The following SLC25A28 variants were observed in gnomAD, a reference collection of about 807,000 sequenced individuals.
SLC25A28 encodes mitoferrin-2.
In SLC25A28, 10 loss-of-function variants were observed where a neutral mutation model predicts 31.9. The observed-to-expected ratio is 0.31, with a 90% confidence interval of 0.19 to 0.53. The LOEUF is 0.53. Ranked by LOEUF, SLC25A28 falls within the 20% of genes least tolerant of loss-of-function variation. SLC25A28 has a pLI of 0.95. For synonymous variants in SLC25A28, 208 were observed against 203.6 expected, an observed-to-expected ratio of 1.02 and a Z score of -0.19; for missense variants, 256 against 490.3, an observed-to-expected ratio of 0.52 and a Z score of 4.51.
the SLC25A28 span, among the ~76,000 whole-genome samples, chr10:99,639,734 C>CACACACAA: frequency 6.7e-6 from 1 of 149,698 alleles, no homozygotes; most frequent in Non-Finnish European, 1.5e-5. Flanking sequence ...CACACACACA[C>CACACACAA]ACACACACAC....
the SLC25A28 span, among the ~76,000 whole-genome samples, chr10:99,627,039 G>A: frequency 2.0e-5 from 3 of 152,000 alleles, no homozygotes; most frequent in African/African-American, 4.8e-5. Context: ...CCAGGAGTTC[G>A]AGACCAGCCT....
At chr10:99,615,760 A>C in intron 1 of SLC25A28, 1 of 985,458 alleles carries the variant, frequency 1.0e-6, no homozygotes, top group Non-Finnish European at 1.2e-6. Context: ...CTAATAAGCA[A>C]AGATAAATTG....
the SLC25A28 span, among the ~76,000 whole-genome samples, chr10:99,637,596 A>G: frequency 1.3e-5 from 2 of 152,246 alleles, no homozygotes; most frequent in Non-Finnish European, 2.9e-5. Flanking sequence ...GTTTCTGGAT[A>G]CAAGATTAAT....
Position 99,610,747 on chromosome 10 carries a change from C to T in SLC25A28, c.*102G>A, listed in dbSNP as rs543288971. 1.2e-4 allele frequency: 180 copies of T among 1,446,476 alleles called. 3 individuals are homozygous for T. The Admixed American group carries it at 3.3e-3, about 26-fold the overall frequency. 89.6% of individuals were successfully genotyped at this position (1,446,476 alleles called of 1,614,324 possible). ...AAATCCTGGGGGAGAGCCCCTCTAC[C>T]TTCCTTCTAACTCCACTTGAGGTGG... On this transcript the variant is annotated 3_prime_UTR_variant, in exon 4 of 4. Coordinates refer to ENST00000370495, the MANE Select transcript of SLC25A28 (RefSeq NM_031212.4).
At chr10:99,640,153 G>A in the SLC25A28 span, among the ~76,000 whole-genome samples, 1 of 152,150 alleles carries the variant, frequency 6.6e-6, no homozygotes, top group South Asian at 2.1e-4. Context: ...TTTTATATTA[G>A]TTATCCATCA....
Position 99,617,572 on chromosome 10 carries a change from T to C in SLC25A28, c.291+2473A>G, listed in dbSNP as rs187663229. 2,158 of 985,448 alleles carry C rather than the reference T, an allele frequency of 2.2e-3. 6 individuals carry two copies. The highest frequency in any genetic ancestry group is 4.3e-3 in the Admixed American group (70 of 16,286). The allele number at this position is 985,448 out of a possible 1,614,324, so 61.0% of individuals were successfully genotyped here. A position where few individuals can be genotyped will look rare whatever the true frequency, so the allele number is the denominator to read the frequency against. On this transcript the variant is annotated intron_variant, in intron 1 of 3. Coordinates refer to ENST00000370495, the MANE Select transcript of SLC25A28 (RefSeq NM_031212.4). ...GGGACAAGCAAACTGGGAAGTCTTT[T>C]CTGAAGGAAGAGATTTGAATTTTAC... is the stretch of plus-strand genomic sequence containing the variant.
intron 1 of SLC25A28, chr10:99,617,538 T>C (rs2034687491): frequency 3.0e-6 from 3 of 985,430 alleles, no homozygotes; most frequent in Non-Finnish European, 3.6e-6. Context: ...AGAAGAAGGA[T>C]AGCTGCTGGG....
the SLC25A28 span, among the ~76,000 whole-genome samples, chr10:99,643,257 C>G: frequency 1.3e-5 from 2 of 152,180 alleles, no homozygotes; most frequent in Non-Finnish European, 2.9e-5. Flanking sequence ...TGTTACCAAT[C>G]TATTCAGGGA....
At chr10:99,657,783 C>T in the SLC25A28 span, among the ~76,000 whole-genome samples, 1 of 152,084 alleles carries the variant, frequency 6.6e-6, no homozygotes, top group Non-Finnish European at 1.5e-5. Context: ...TGCTACCTAC[C>T]CCAAACCAAT....
rs1324211767 is a variant in SLC25A28 at position 99,611,105 on chromosome 10, G to A, written c.839C>T (p.Thr280Ile). The stretch of plus-strand genomic sequence containing the variant: ...CAGTGTTTTGCAAACGTCCAGTGGG[G>A]TTGTGGCTGCGGCAGCTACAGCTCC... ...CAGAVAAAAT[T>I]PLDVCKTLLN... is the part of the protein sequence containing the mutation. Residue 280 changes from threonine (T) to isoleucine (I), a missense_variant, in exon 4 of 4, where the codon ACC becomes ATC. Physicochemically the swap from Thr to Ile is moderately conservative, Grantham distance 89 (BLOSUM62 -1). Transcript: ENST00000370495. This position sits in a 1 kb window ranked among gnomAD's most constrained non-coding sequence, Gnocchi z 5.5. The A allele has an allele frequency of 6.2e-7, 1 of 1,614,226 alleles. No homozygotes were observed. Among genetic ancestry groups the A allele is most frequent in the South Asian group, 1.1e-5 (1 of 91,084 alleles).
chr10:99,653,263 T>TG, the SLC25A28 span, among the ~76,000 whole-genome samples: 1 of 152,182 alleles, frequency 6.6e-6, no homozygotes, highest in African/African-American at 2.4e-5. Context: ...AGGATCACCC[T>TG]GGGGGAAGCC....
intron 1 of SLC25A28, chr10:99,617,728 C>G: frequency 2.0e-6 from 2 of 985,452 alleles, no homozygotes; most frequent in South Asian, 9.4e-5. Context: ...CTAAAATAAG[C>G]TTTCGTATTG....
intron 2 of SLC25A28, among the ~76,000 whole-genome samples, chr10:99,612,953 G>GAT (rs2034564278): frequency 6.6e-6 from 1 of 152,196 alleles, no homozygotes; most frequent in African/African-American, 2.4e-5. Flanking sequence ...AGTGGAGGGA[G>GAT]ATACGGGGGC....
At chr10:99,618,227 CTATG>C (rs2034702495) in intron 1 of SLC25A28, 1 of 944,208 alleles carries the variant, frequency 1.1e-6, no homozygotes, top group Non-Finnish European at 1.3e-6. Flanking sequence ...AACAATAGCA[CTATG>C]TAAATATATG....
intron 2 of SLC25A28, 99 bp from the exon 3 acceptor site, chr10:99,612,698 G>T: frequency 7.3e-7 from 1 of 1,362,808 alleles, no homozygotes; most frequent in Non-Finnish European, 1.0e-6. Flanking sequence ...ACACTACAGC[G>T]GGGAAAAGTA....
At chr10:99,625,583 A>AT (rs1491124389), upstream of SLC25A28, among the ~76,000 whole-genome samples, 4 of 151,708 alleles carry the variant, frequency 2.6e-5, no homozygotes, top group Admixed American at 6.6e-5. Context: ...GAGACCACTC[A>AT]TTTTTTTTCT....
intron 1 of SLC25A28, among the ~76,000 whole-genome samples, chr10:99,614,292 TCCAG>T (rs2034597865): frequency 6.6e-6 from 1 of 152,148 alleles, no homozygotes; most frequent in South Asian, 2.1e-4. Flanking sequence ...GATTCTAAAC[TCCAG>T]TATTTACTAT....
the SLC25A28 span, among the ~76,000 whole-genome samples, chr10:99,635,608 G>A: frequency 6.6e-6 from 1 of 151,956 alleles, no homozygotes; most frequent in Non-Finnish European, 1.5e-5. Flanking sequence ...AACCTGGGAG[G>A]TGGAGGTTGC....
At chr10:99,627,718 G>T in the SLC25A28 span, among the ~76,000 whole-genome samples, 1 of 152,092 alleles carries the variant, frequency 6.6e-6, no homozygotes, top group Non-Finnish European at 1.5e-5. Context: ...TGGGATTACA[G>T]GCATGAGCTA....
Sources: gnomAD v4.1 joint callset for allele counts (sites outside exome capture counted in the v4.1 genomes callset) on GRCh38, gnomAD v4.1.1 for gene constraint, Gnocchi (gnomAD v3.1) non-coding constraint, MANE v1.5 for transcripts, NCBI Gene and HGNC (gene_info 2026-07-23, HGNC 2026-07-21) for gene names.